Variants in RSRC1 observed in about 807,000 individuals in gnomAD.
RSRC1 encodes the protein serine/Arginine-related protein 53.
RSRC1 carries 39 observed loss-of-function variants against 49.1 expected under a neutral mutation model. That is an observed-to-expected ratio of 0.79 (90% confidence interval 0.61 to 1.04). RSRC1 has a LOEUF of 1.04. Ranked by LOEUF, RSRC1 falls within the 50% of genes least tolerant of loss-of-function variation. RSRC1 has a pLI of 0.00. For synonymous variants in RSRC1, 143 were observed against 130.8 expected (o/e 1.09, Z -0.63); for missense variants, 388 against 402.4 (o/e 0.96, Z 0.31).
At chr3:158,426,920 G>T (rs1423393623) in intron 6 of RSRC1, among the ~76,000 whole-genome samples, 1 of 151,786 alleles carries the variant, frequency 6.6e-6, no homozygotes, top group Non-Finnish European at 1.5e-5. Context: ...AGACTAGTCA[G>T]TTGGTTCTGT....
chr3:158,221,244 C>G (rs1187735636), intron 4 of RSRC1, among the ~76,000 whole-genome samples: 1 of 151,450 alleles, frequency 6.6e-6, no homozygotes, highest in Non-Finnish European at 1.5e-5. Flanking sequence ...CTGCTCTTTT[C>G]TTATAAAAGA....
At chr3:158,134,340 A>AT (rs927256489) in intron 3 of RSRC1, among the ~76,000 whole-genome samples, 3 of 152,026 alleles carry the variant, frequency 2.0e-5, no homozygotes, top group Non-Finnish European at 4.4e-5. Flanking sequence ...TAAATTAAAA[A>AT]TTTTTTTCTT....
In RSRC1 at chr3:158,203,140, G is replaced by T; in HGVS notation, c.389G>T (p.Arg130Leu). The change falls in exon 4 of 10, where the codon CGT (arginine) becomes CTT (leucine). Residue 130 changes from arginine (R) to leucine (L), a missense_variant. By Grantham distance (102) the Arg-to-Leu change is moderately radical. Coordinates refer to ENST00000611884, the MANE Select transcript of RSRC1 (RefSeq NM_001271838.2). ...SSERSSHRRTRSRSRDRERRK... is the reference protein window; with the variant it reads ...SSERSSHRRTLSRSRDRERRK... ...GAAAGGTCCAGTCACAGAAGAACGC[G>T]TAGTCGGTCTCGGGATAGAGAACGA... 6.2e-7 allele frequency: 1 copy of T among 1,613,754 alleles called. No individual in the cohort carries two copies. Among genetic ancestry groups the T allele is most frequent in the Non-Finnish European group, 8.5e-7 (1 of 1,179,828 alleles).
At chr3:158,520,133 A>G (rs1274310121) in intron 7 of RSRC1, among the ~76,000 whole-genome samples, 1 of 152,164 alleles carries the variant, frequency 6.6e-6, no homozygotes, top group African/African-American at 2.4e-5. Flanking sequence ...ACTCTCTAGA[A>G]ATTCTTATGA....
At chr3:158,479,869 A>G (rs1439763091) in intron 7 of RSRC1, among the ~76,000 whole-genome samples, 1 of 152,056 alleles carries the variant, frequency 6.6e-6, no homozygotes, top group African/African-American at 2.4e-5. Context: ...ATCAAATACT[A>G]TTCCAGAAAT....
At chr3:158,168,540 T>C (rs1718671935) in intron 3 of RSRC1, among the ~76,000 whole-genome samples, 1 of 152,234 alleles carries the variant, frequency 6.6e-6, no homozygotes, top group Non-Finnish European at 1.5e-5. Context: ...TGATTTTCAT[T>C]CTTTTTATTT....
At chr3:158,288,782 A>G (rs1726731384) in intron 4 of RSRC1, among the ~76,000 whole-genome samples, 1 of 150,476 alleles carries the variant, frequency 6.6e-6, no homozygotes, top group Admixed American at 6.6e-5. Context: ...TGTTTAGGGA[A>G]TAATGTCAAG....
rs376051745 is a variant in RSRC1 at position 158,515,674 on chromosome 3, G to C, written c.653-21418G>C. On this transcript the variant is annotated intron_variant, in intron 7 of 9. Transcript: ENST00000611884. ...TTGCTAGATTGGGGAAGTTCTCCTG[G>C]ATAATATCCTGCAGAGTGTTTTCCA... 5.0e-5 allele frequency among the ~76,000 whole-genome samples: 7 copies of C among 140,720 alleles called. No individual in the cohort carries two copies. In the East Asian group the frequency reaches 1.2e-3, roughly 24 times the overall value. The allele number at this position is 140,720 out of a possible 152,430, so 92.3% of individuals were successfully genotyped here. A position where few individuals can be genotyped will look rare whatever the true frequency, so the allele number is the denominator to read the frequency against.
At chr3:158,207,936 A>T (rs138964868) in intron 4 of RSRC1, among the ~76,000 whole-genome samples, 2,430 of 152,276 alleles carry the variant, frequency 0.016, 86 homozygotes, top group African/African-American at 0.056. Context: ...AAATACCTAG[A>T]ACATTAAAAT....
At chr3:158,128,970 G>C (rs1414551687) in intron 3 of RSRC1, among the ~76,000 whole-genome samples, 1 of 152,118 alleles carries the variant, frequency 6.6e-6, no homozygotes, top group Non-Finnish European at 1.5e-5. Context: ...ATCATATCAA[G>C]GGGTCTGTGA....
At chr3:158,402,985 AT>A (rs5853825) in intron 6 of RSRC1, among the ~76,000 whole-genome samples, 32,929 of 151,762 alleles carry the variant, frequency 0.22, 4,180 homozygotes, top group Non-Finnish European at 0.29. Context: ...CTATAACAAA[AT>A]AAAACCTAAA....
chr3:158,253,991 C>T (rs1316589174), intron 4 of RSRC1, among the ~76,000 whole-genome samples: 1 of 152,134 alleles, frequency 6.6e-6, no homozygotes, highest in Admixed American at 6.5e-5. Context: ...GTTCAATTCC[C>T]AACTGTAAGT....
chr3:158,408,529 G>GA (rs1211428887), intron 6 of RSRC1, among the ~76,000 whole-genome samples: 3 of 151,968 alleles, frequency 2.0e-5, no homozygotes, highest in South Asian at 2.1e-4. Context: ...AGGCATCGCA[G>GA]AAAAAAAATG....
chr3:158,413,486 A>G (rs190603158), intron 6 of RSRC1, among the ~76,000 whole-genome samples: 3 of 152,316 alleles, frequency 2.0e-5, no homozygotes, highest in Non-Finnish European at 2.9e-5. Context: ...AAAATTGACA[A>G]ATGGGATCTA....
At chr3:158,118,969 A>T (rs1715061467) in intron 1 of RSRC1, among the ~76,000 whole-genome samples, 5 of 151,554 alleles carry the variant, frequency 3.3e-5, no homozygotes, top group African/African-American at 9.8e-5. Context: ...ATTTGATTAT[A>T]GACTTTAACT....
At chr3:158,255,717 C>T (rs956323086) in intron 4 of RSRC1, among the ~76,000 whole-genome samples, 1 of 152,112 alleles carries the variant, frequency 6.6e-6, no homozygotes, top group African/African-American at 2.4e-5. Flanking sequence ...TTGTTTGTGT[C>T]CTCTTTTATT....
intron 4 of RSRC1, among the ~76,000 whole-genome samples, chr3:158,220,129 T>G (rs1722151049): frequency 6.6e-6 from 1 of 151,628 alleles, no homozygotes; most frequent in Non-Finnish European, 1.5e-5. Context: ...TTCATATGTT[T>G]GCATGAAGAT....
At chr3:158,526,544 T>A (rs1004130453) in intron 7 of RSRC1, among the ~76,000 whole-genome samples, 2 of 152,002 alleles carry the variant, frequency 1.3e-5, no homozygotes, top group Non-Finnish European at 2.9e-5. Flanking sequence ...TAAGAATTAG[T>A]TTGATTTGCC....
chr3:158,334,692 T>TGTGTGTA (rs1729782776), intron 5 of RSRC1, among the ~76,000 whole-genome samples: 2 of 142,622 alleles, frequency 1.4e-5, no homozygotes, highest in Non-Finnish European at 1.5e-5. Flanking sequence ...TGTGTATGTG[T>TGTGTGTA]TGTGTTTTAG....
Sources: allele counts gnomAD v4.1 joint callset (sites outside exome capture counted in the v4.1 genomes callset), GRCh38; gene constraint gnomAD v4.1.1; transcripts MANE v1.5; gene names NCBI Gene and HGNC (gene_info 2026-07-23, HGNC 2026-07-21).